Variants in NCOR2 observed in about 807,000 individuals in gnomAD.
The protein encoded by NCOR2 is nuclear receptor corepressor 2, also known as CTG repeat protein 26.
A neutral mutation model predicts 262.9 loss-of-function variants in NCOR2; 81 were observed. That is an observed-to-expected ratio of 0.31 (90% CI 0.26 to 0.37). The LOEUF (loss-of-function observed/expected upper bound fraction) is 0.37. NCOR2 is among the 10% of genes least tolerant of loss of function. The pLI is 1.00. For synonymous variants in NCOR2, 1,659 were observed against 1,559.3 expected (o/e 1.06, Z -1.51); for missense variants, 3,385 against 3,621.4 (o/e 0.93, Z 1.68).
intron 44 of NCOR2, among the ~76,000 whole-genome samples, chr12:124,329,503 G>A (rs2034996828): frequency 6.6e-6 from 1 of 151,818 alleles, no homozygotes; most frequent in African/African-American, 2.4e-5. Context: ...AAAATCAGTC[G>A]AGGTGGGAGG....
rs1445238085 is a variant in NCOR2 at position 124,440,096 on chromosome 12, G to C, written c.816-2100C>G. Among the ~76,000 whole-genome samples the C allele has an allele frequency of 1.3e-5, 2 of 152,142 alleles. No individual in the cohort carries two copies. The highest frequency in any genetic ancestry group is 2.9e-5 in the Non-Finnish European group (2 of 68,028). On this transcript the variant is annotated intron_variant, in intron 7 of 46. Coordinates refer to ENST00000405201, the Ensembl canonical transcript of NCOR2. This position sits in a 1 kb window ranked among gnomAD's most constrained non-coding sequence, Gnocchi z 5.7. ...CTGGGGGGCCACAGCGACCTCAGGAGCCTGCTGTGCACCTTAACTTGCTGT... is the reference window on the plus strand; with the variant it reads ...CTGGGGGGCCACAGCGACCTCAGGACCCTGCTGTGCACCTTAACTTGCTGT...
At chr12:124,383,846 C>A (rs1468594907) in intron 17 of NCOR2, among the ~76,000 whole-genome samples, 1 of 152,232 alleles carries the variant, frequency 6.6e-6, no homozygotes, top group Non-Finnish European at 1.5e-5. Context: ...CGCCCTGGGC[C>A]TAATGGGATG....
chr12:124,502,904 G>A (rs951981517), intron 1 of NCOR2, among the ~76,000 whole-genome samples: 6 of 152,120 alleles, frequency 3.9e-5, no homozygotes, highest in Admixed American at 1.3e-4. Flanking sequence ...CTAGAGAAAC[G>A]GGCCTCCACC....
intron 24 of NCOR2, 157 bp downstream of exon 26, chr12:124,355,275 C>CCAGCCCAGGTCAGAG: frequency 4.5e-6 from 4 of 880,166 alleles, no homozygotes; most frequent in Non-Finnish European, 6.8e-6. Context: ...CCCTGAGTGC[C>CCAGCCCAGGTCAGAG]TGGGGCAGGA....
chr12:124,484,850 G>A (rs1365461401), intron 2 of NCOR2, among the ~76,000 whole-genome samples: 1 of 152,226 alleles, frequency 6.6e-6, no homozygotes, highest in African/African-American at 2.4e-5. Flanking sequence ...CACCTGTCTT[G>A]TTCATGGCTG....
intron 21 of NCOR2, among the ~76,000 whole-genome samples, 173 bp from the exon 24 acceptor site, chr12:124,362,470 GC>G (rs2038663679): frequency 6.6e-6 from 1 of 152,194 alleles, no homozygotes; most frequent in Non-Finnish European, 1.5e-5. Flanking sequence ...ACATGGGGAA[GC>G]CCACCTCCCA....
intron 5 of NCOR2, among the ~76,000 whole-genome samples, chr12:124,463,479 C>T (rs2046275292): frequency 6.6e-6 from 1 of 152,238 alleles, no homozygotes; most frequent in Non-Finnish European, 1.5e-5. Flanking sequence ...CGGCCCCCAC[C>T]CACGCAGGCA....
At chr12:124,470,327 A>G (rs1389680422) in intron 4 of NCOR2, among the ~76,000 whole-genome samples, 1 of 152,202 alleles carries the variant, frequency 6.6e-6, no homozygotes, top group African/African-American at 2.4e-5. Flanking sequence ...TTACTGTACG[A>G]CACGACCCAG....
In NCOR2 at chr12:124,481,371, C is replaced by G. The variant is rs542415750; in HGVS notation, c.411+2225G>C. 6.6e-6 allele frequency among the ~76,000 whole-genome samples: 1 copy of G among 152,160 alleles called. No individual in the cohort carries two copies. The highest frequency in any genetic ancestry group is 6.5e-5 in the Admixed American group (1 of 15,278). On this transcript the variant is annotated intron_variant, in intron 3 of 46. Coordinates refer to ENST00000405201, the Ensembl canonical transcript of NCOR2. The surrounding 1 kb of genome is among the most constrained non-coding windows in gnomAD (Gnocchi z 4.6). Reference sequence around the variant, plus strand: ...CCACAGAGACCCCCTTCAAGGCCGGCAGGGCCCCTGTGGCTGAATCTCACA... The same window carrying G: ...CCACAGAGACCCCCTTCAAGGCCGGGAGGGCCCCTGTGGCTGAATCTCACA...
intron 1 of NCOR2, among the ~76,000 whole-genome samples, chr12:124,512,307 G>T (rs2049438195): frequency 6.6e-6 from 1 of 152,194 alleles, no homozygotes; most frequent in Non-Finnish European, 1.5e-5. Context: ...TCAAAGGGAG[G>T]CTCCTTTCTG....
intron 13 of NCOR2, among the ~76,000 whole-genome samples, chr12:124,413,224 G>A (rs1265300963): frequency 2.6e-5 from 4 of 152,190 alleles, no homozygotes; most frequent in East Asian, 3.9e-4. Context: ...ACCCTGGGAG[G>A]GGCGGTCGTG....
upstream of NCOR2, among the ~76,000 whole-genome samples, chr12:124,499,661 C>T (rs182263377): frequency 9.3e-4 from 142 of 152,134 alleles, 1 homozygote; most frequent in East Asian, 8.1e-3. Flanking sequence ...GCACAGGTGC[C>T]GTTTATGTTT....
chr12:124,553,906 C>T (rs546706929), intron 1 of NCOR2, among the ~76,000 whole-genome samples: 15 of 152,288 alleles, frequency 9.8e-5, no homozygotes, highest in African/African-American at 3.1e-4. Flanking sequence ...GCCCCCACTC[C>T]GCAGCTGGTG....
At chr12:124,477,811 G>A (rs893796258) in intron 3 of NCOR2, among the ~76,000 whole-genome samples, 3 of 150,838 alleles carry the variant, frequency 2.0e-5, no homozygotes, top group East Asian at 2.0e-4. Context: ...AATACACCCC[G>A]CACAAGTTGC....
chr12:124,543,647 G>C (rs964714232), intron 1 of NCOR2, among the ~76,000 whole-genome samples: 8 of 152,250 alleles, frequency 5.3e-5, no homozygotes, highest in Non-Finnish European at 1.2e-4. Flanking sequence ...GCCGGCAGGA[G>C]CAATTAGAGG....
chr12:124,406,774 C>T (rs1169031239), intron 13 of NCOR2, among the ~76,000 whole-genome samples: 1 of 152,194 alleles, frequency 6.6e-6, no homozygotes, highest in Admixed American at 6.5e-5. Context: ...GACACCTGCC[C>T]CCAGATCTGG....
In NCOR2 at chr12:124,548,179, C is replaced by T. The variant is rs927914676; in HGVS notation, c.-164-12568G>A. Among the ~76,000 whole-genome samples, 6 of 151,978 alleles carry T rather than the reference C, an allele frequency of 3.9e-5. No individual in the cohort carries two copies. The highest frequency in any genetic ancestry group is 1.2e-4 in the African/African-American group (5 of 41,374). ...CTCCTAAACGTGCACTGAGCTGGGA[C>T]CTGAATGGCAGCAAGGAGCCAGCTG... On this transcript the variant is annotated intron_variant, in intron 1 of 32. Transcript: ENST00000458234. This position sits in a 1 kb window ranked among gnomAD's most constrained non-coding sequence, Gnocchi z 5.1.
upstream of NCOR2, among the ~76,000 whole-genome samples, chr12:124,540,148 G>A (rs566206096): frequency 2.7e-4 from 41 of 151,336 alleles, 1 homozygote; most frequent in African/African-American, 9.4e-4. Context: ...ACACCCATAA[G>A]TGAGCAAGGT....
chr12:124,531,051 C>A lies in NCOR2; in HGVS notation c.-118+4514G>T, dbSNP rs2050746590. Reference sequence around the variant, plus strand: ...GACAGGACACGGTTCCTGGGCTCCACCCAACCCGCCTCTCCCAGGGAAGCA... The same window carrying A: ...GACAGGACACGGTTCCTGGGCTCCAACCAACCCGCCTCTCCCAGGGAAGCA... On this transcript the variant is annotated intron_variant, in intron 1 of 46. Coordinates refer to the NCOR2 transcript ENST00000404621. This position sits in a 1 kb window ranked among gnomAD's most constrained non-coding sequence, Gnocchi z 4.5. Among the ~76,000 whole-genome samples the A allele has an allele frequency of 6.6e-6, 1 of 152,166 alleles. No homozygotes were observed. The highest frequency in any genetic ancestry group is 1.5e-5 in the Non-Finnish European group (1 of 68,014).
Sources: gnomAD v4.1 joint callset for allele counts (sites outside exome capture counted in the v4.1 genomes callset) on GRCh38, gnomAD v4.1.1 for gene constraint, Gnocchi (gnomAD v3.1) non-coding constraint, MANE v1.5 for transcripts, NCBI Gene and HGNC (gene_info 2026-07-23, HGNC 2026-07-21) for gene names.